Variants in RANBP17 observed in about 807,000 individuals in gnomAD.
RANBP17 encodes RAN binding protein 17.
A neutral mutation model predicts 141.2 loss-of-function variants in RANBP17; 158 were observed. The observed-to-expected ratio is 1.12, with a 90% CI of 0.98 to 1.28. The LOEUF (loss-of-function observed/expected upper bound fraction) is 1.28. RANBP17 is among the 50% of genes most tolerant of loss of function. RANBP17 has a pLI of 0.00. For synonymous variants in RANBP17, 430 were observed against 450.0 expected (o/e 0.96, Z 0.56); for missense variants, 1,438 against 1,290.7 (o/e 1.11, Z -1.75).
At position 170,914,241 on chromosome 5, in the gene RANBP17, G is replaced by A. The variant is rs1263431212; in HGVS notation, c.834+1G>A. On this transcript the variant is annotated splice_donor_variant, in intron 8 of 27. Coordinates refer to ENST00000523189, the MANE Select transcript of RANBP17 (RefSeq NM_022897.5). LOFTEE classifies it high-confidence loss of function. ...ACTTCCACCACTACTATCTCAGTTA[G>A]TAAGTAAAAGTCATTCGTTATTTCG... 3.8e-6 allele frequency: 6 copies of A among 1,569,300 alleles called. No homozygotes were observed. The highest frequency in any genetic ancestry group is 5.3e-6 in the Non-Finnish European group (6 of 1,140,154).
intron 14 of RANBP17, among the ~76,000 whole-genome samples, chr5:171,136,679 C>A (rs145634267): frequency 7.2e-5 from 11 of 152,172 alleles, no homozygotes; most frequent in African/African-American, 2.6e-4. Context: ...TGAACTGGAG[C>A]CTCTTTAAAT....
chr5:171,150,679 T>C (rs1457977499), intron 14 of RANBP17, among the ~76,000 whole-genome samples: 2 of 152,194 alleles, frequency 1.3e-5, no homozygotes, highest in Non-Finnish European at 2.9e-5. Flanking sequence ...GTTGAGGAAA[T>C]TGTTCATGCT....
At chr5:171,298,639 C>G in intron 27 of RANBP17, 123 bp from the exon 28 acceptor site, 1 of 629,148 alleles carries the variant, frequency 1.6e-6, no homozygotes, top group Admixed American at 2.6e-5. Flanking sequence ...CAGCTGAAAT[C>G]TAGAGCCGTC....
chr5:171,297,716 A>G (rs1453076443), intron 27 of RANBP17, among the ~76,000 whole-genome samples: 1 of 152,106 alleles, frequency 6.6e-6, no homozygotes, highest in East Asian at 1.9e-4. Context: ...GCTCTGTGAA[A>G]TGATGGCAGG....
intron 14 of RANBP17, among the ~76,000 whole-genome samples, chr5:171,040,370 T>C (rs1460038924): frequency 2.0e-5 from 3 of 152,198 alleles, no homozygotes. Flanking sequence ...TAAATAATTT[T>C]AGAGCTTTTA....
chr5:171,044,548 C>T (rs1782447444), intron 14 of RANBP17, among the ~76,000 whole-genome samples: 1 of 151,600 alleles, frequency 6.6e-6, no homozygotes, highest in Non-Finnish European at 1.5e-5. Flanking sequence ...TTGCTTTGCT[C>T]ACAAAGGTAA....
intron 14 of RANBP17, among the ~76,000 whole-genome samples, chr5:171,059,185 AT>A (rs1783626956): frequency 6.6e-6 from 1 of 151,704 alleles, no homozygotes; most frequent in Non-Finnish European, 1.5e-5. Flanking sequence ...CCATTTGTCA[AT>A]TTTTGCTTTT....
chr5:171,080,244 AAC>A (rs5873252), intron 14 of RANBP17, among the ~76,000 whole-genome samples: 2,291 of 147,728 alleles, frequency 0.016, 29 homozygotes, highest in African/African-American at 0.026. Context: ...ACACACACAA[AAC>A]ACACACACAC....
At chr5:171,054,440 G>T (rs754325164) in intron 14 of RANBP17, among the ~76,000 whole-genome samples, 1 of 152,128 alleles carries the variant, frequency 6.6e-6, no homozygotes, top group Non-Finnish European at 1.5e-5. Context: ...ACCATATAGG[G>T]TATCTTGCTA....
intron 1 of RANBP17, among the ~76,000 whole-genome samples, chr5:170,863,108 G>A (rs764482365): frequency 1.3e-4 from 19 of 146,842 alleles, no homozygotes; most frequent in Admixed American, 2.0e-4. Context: ...CTACTCTCAG[G>A]GAACTTGCAG....
At chr5:171,203,656 T>C (rs1762423693) in intron 19 of RANBP17, among the ~76,000 whole-genome samples, 1 of 152,070 alleles carries the variant, frequency 6.6e-6, no homozygotes. Context: ...TTTGATATCG[T>C]TTAAGGAATG....
chr5:171,237,419 A>T (rs768549128), intron 22 of RANBP17, among the ~76,000 whole-genome samples: 1 of 152,214 alleles, frequency 6.6e-6, no homozygotes, highest in Non-Finnish European at 1.5e-5. Flanking sequence ...TGGGAATTCC[A>T]TAGTACTTGT....
chr5:170,882,627 G>C (rs1288936175), intron 3 of RANBP17, among the ~76,000 whole-genome samples: 2 of 152,092 alleles, frequency 1.3e-5, no homozygotes, highest in Non-Finnish European at 2.9e-5. Context: ...TCTTAACTTG[G>C]TATGCAACTG....
intron 14 of RANBP17, among the ~76,000 whole-genome samples, chr5:171,096,252 C>T (rs1369366762): frequency 6.6e-6 from 1 of 152,166 alleles, no homozygotes; most frequent in Non-Finnish European, 1.5e-5. Flanking sequence ...ATCATCAAAG[C>T]ATTATATACT....
At position 171,013,956 on chromosome 5, in the gene RANBP17, A is replaced by G. The variant is rs147991902; in HGVS notation, c.1710+45579A>G. On this transcript the variant is annotated intron_variant, in intron 14 of 27. Transcript: ENST00000523189. ...AGGGAGAAGTCTTAAAGTGTCTCTTACTATGGATTTATCTTCTCACACTTC... is the reference window on the plus strand; with the variant it reads ...AGGGAGAAGTCTTAAAGTGTCTCTTGCTATGGATTTATCTTCTCACACTTC... Among the ~76,000 whole-genome samples the G allele has an allele frequency of 1.9e-3, 286 of 152,144 alleles. 1 individual carries two copies. The highest frequency in any genetic ancestry group is 6.1e-3 in the African/African-American group (254 of 41,546).
At chr5:171,212,264 CA>C (rs1185239483) in intron 20 of RANBP17, among the ~76,000 whole-genome samples, 7 of 152,290 alleles carry the variant, frequency 4.6e-5, no homozygotes, top group Admixed American at 3.9e-4. Flanking sequence ...ACAAATAACA[CA>C]AGCAACCAAC....
chr5:171,209,790 A>G (rs1561766558), intron 20 of RANBP17, among the ~76,000 whole-genome samples: 1 of 152,212 alleles, frequency 6.6e-6, no homozygotes, highest in Non-Finnish European at 1.5e-5. Context: ...CCCCTTGTGA[A>G]CAAAGGTCCA....
At position 170,893,319 on chromosome 5, in the gene RANBP17, A is replaced by G. The variant is rs1340839531; in HGVS notation, c.423+766A>G. On this transcript the variant is annotated intron_variant, in intron 4 of 27. Transcript: ENST00000523189. Reference sequence around the variant, plus strand: ...TAAACTAAATCATGCCAGTGATTCCATGTCCTGGGCTGATTTAGGGAAACC... The same window carrying G: ...TAAACTAAATCATGCCAGTGATTCCGTGTCCTGGGCTGATTTAGGGAAACC... 3.9e-5 allele frequency among the ~76,000 whole-genome samples: 6 copies of G among 152,044 alleles called. No homozygotes were observed. In the East Asian group the frequency reaches 9.6e-4, roughly 24 times the overall value.
At chr5:170,985,402 T>C (rs1421693801) in intron 14 of RANBP17, among the ~76,000 whole-genome samples, 1 of 152,218 alleles carries the variant, frequency 6.6e-6, no homozygotes, top group Non-Finnish European at 1.5e-5. Flanking sequence ...CATAGTATAA[T>C]AGAATTTGCC....
Sources: allele counts gnomAD v4.1 joint callset (sites outside exome capture counted in the v4.1 genomes callset), GRCh38; gene constraint gnomAD v4.1.1; transcripts MANE v1.5; gene names NCBI Gene and HGNC (gene_info 2026-07-23, HGNC 2026-07-21).